Variants in TRHDE observed in about 807,000 individuals in gnomAD.
The protein encoded by TRHDE is thyrotropin-releasing hormone-degrading ectoenzyme.
Under a neutral mutation model 125.7 loss-of-function variants are expected in TRHDE, and 72 were observed. The observed-to-expected ratio is 0.57, with a 90% CI of 0.47 to 0.70. The LOEUF (loss-of-function observed/expected upper bound fraction) is 0.70, where lower values mean the gene tolerates loss of function less well. Among genes scored for constraint, TRHDE ranks in the 30% least tolerant of loss-of-function variants. The probability of loss-of-function intolerance (pLI) is 0.00; values close to 1 mark genes in which losing one functional copy is unlikely to be tolerated. For synonymous variants in TRHDE, 509 were observed against 509.1 expected (o/e 1.00, Z 0.00); for missense variants, 1,110 against 1,327.1 (o/e 0.84, Z 2.54).
At position 72,618,171 on chromosome 12, in the gene TRHDE, T is replaced by C. The variant is rs73334816; in HGVS notation, c.2322-720T>C. Among the ~76,000 whole-genome samples the C allele has an allele frequency of 2.3e-3, 353 of 152,296 alleles. 1 individual carries two copies. Among genetic ancestry groups the C allele is most frequent in the African/African-American group, 8.1e-3 (337 of 41,564 alleles). ...TTTGGCTCCTTTTCTTGATATGGCC[T>C]CTTAAACTATAGACAATATGTGTTA... On this transcript the variant is annotated intron_variant, in intron 12 of 18. Transcript: ENST00000261180.
chr12:72,196,411 G>A (rs1461002301), intron 2 of TRHDE, among the ~76,000 whole-genome samples: 2 of 151,988 alleles, frequency 1.3e-5, no homozygotes, highest in Non-Finnish European at 2.9e-5. Context: ...GCAGTGTTTT[G>A]TAGTTCTCCT....
intron 10 of TRHDE, among the ~76,000 whole-genome samples, chr12:72,574,222 G>T (rs1181094730): frequency 6.6e-6 from 1 of 152,030 alleles, no homozygotes; most frequent in Admixed American, 6.6e-5. Flanking sequence ...GTCTGAATGT[G>T]TAAAAACTTT....
At chr12:72,261,190 G>C (rs1207348519) in intron 2 of TRHDE, among the ~76,000 whole-genome samples, 1 of 152,166 alleles carries the variant, frequency 6.6e-6, no homozygotes, top group Admixed American at 6.6e-5. Context: ...AAAAGTTAAA[G>C]TGCTTACCAG....
intron 3 of TRHDE, among the ~76,000 whole-genome samples, chr12:72,380,351 G>A (rs1872086459): frequency 6.6e-6 from 1 of 152,166 alleles, no homozygotes; most frequent in Non-Finnish European, 1.5e-5. Context: ...ATATCAGATT[G>A]GAGATACATG....
intron 5 of TRHDE, among the ~76,000 whole-genome samples, chr12:72,479,103 T>C (rs1184125922): frequency 6.6e-6 from 1 of 152,032 alleles, no homozygotes; most frequent in African/African-American, 2.4e-5. Flanking sequence ...TAACATGGCA[T>C]TGGCCATGTT....
rs1875205292 is a variant in TRHDE, at chr12:72,669,791, C to T, written c.*6596C>T. The T allele has an allele frequency of 6.6e-6, 1 of 151,814 alleles. No individual in the cohort carries two copies. The allele number at this position is 151,814 out of a possible 1,614,324, so 9.4% of individuals were successfully genotyped here. ...TACCTTTCAAAATATTGTGTAACAG[C>T]AATTCCACATTATCCTTTTGAATGC... is the stretch of plus-strand genomic sequence containing the variant. On this transcript the variant is annotated 3_prime_UTR_variant, in exon 19 of 19. Coordinates refer to ENST00000261180, the MANE Select transcript of TRHDE (RefSeq NM_013381.3).
intron 1 of TRHDE, among the ~76,000 whole-genome samples, chr12:72,279,426 C>T (rs1388386175): frequency 6.6e-6 from 1 of 152,140 alleles, no homozygotes; most frequent in Non-Finnish European, 1.5e-5. Context: ...TTTCTCAATT[C>T]TTTGCATGTT....
chr12:72,134,807 G>A (rs1320186264), intron 2 of TRHDE, among the ~76,000 whole-genome samples: 2 of 152,066 alleles, frequency 1.3e-5, no homozygotes, highest in Non-Finnish European at 2.9e-5. Context: ...AGGAGGTGGG[G>A]GAGTGGGAGA....
At position 72,286,756 on chromosome 12, in the gene TRHDE, G is replaced by A; in HGVS notation, c.990G>A (p.Lys330=). The change falls in exon 2 of 19, where the codon AAG becomes AAA. Residue 330 remains lysine, a synonymous_variant. Coordinates refer to ENST00000261180, the MANE Select transcript of TRHDE (RefSeq NM_013381.3). ...AFPCFDEPIY[K]ATFKISIKHQ... is the part of the protein sequence containing the mutation. Reference sequence around the variant, plus strand: ...CTTGTTTTGATGAGCCAATCTACAAGGCTACTTTCAAAATCAGCATCAAGC... The same window carrying A: ...CTTGTTTTGATGAGCCAATCTACAAAGCTACTTTCAAAATCAGCATCAAGC... 1 of 1,613,602 alleles carries A rather than the reference G, an allele frequency of 6.2e-7. No individual in the cohort carries two copies. Among genetic ancestry groups the A allele is most frequent in the Non-Finnish European group, 8.5e-7 (1 of 1,179,908 alleles).
At chr12:72,133,736 T>C (rs1875919101) in intron 2 of TRHDE, among the ~76,000 whole-genome samples, 1 of 152,096 alleles carries the variant, frequency 6.6e-6, no homozygotes, top group African/African-American at 2.4e-5. Context: ...GTGTGCTGGG[T>C]TCTCTATGGA....
At chr12:72,507,546 TG>T (rs1878403337) in intron 6 of TRHDE, among the ~76,000 whole-genome samples, 1 of 152,230 alleles carries the variant, frequency 6.6e-6, no homozygotes, top group African/African-American at 2.4e-5. Context: ...GTAGCCTGGC[TG>T]TTTCTAATAG....
chr12:72,238,274 TAA>T (rs1491108051), intron 2 of TRHDE, among the ~76,000 whole-genome samples: 34 of 56,326 alleles, frequency 6.0e-4, no homozygotes, highest in Non-Finnish European at 3.3e-4. Flanking sequence ...GTCAGATCCT[TAA>T]TATATATATA....
chr12:72,094,903 C>T (rs951318620), intron 1 of TRHDE, among the ~76,000 whole-genome samples: 6 of 152,194 alleles, frequency 3.9e-5, no homozygotes, highest in African/African-American at 1.4e-4. Flanking sequence ...AATCCCAACA[C>T]GAAGGTACTT....
chr12:72,247,771 A>G (rs1454406886), intron 2 of TRHDE, among the ~76,000 whole-genome samples: 1 of 152,136 alleles, frequency 6.6e-6, no homozygotes, highest in East Asian at 1.9e-4. Flanking sequence ...AGCCAGAGCA[A>G]TTTCAAGACC....
At chr12:72,378,597 A>G (rs1872005258) in intron 3 of TRHDE, among the ~76,000 whole-genome samples, 1 of 152,168 alleles carries the variant, frequency 6.6e-6, no homozygotes, top group Non-Finnish European at 1.5e-5. Context: ...TGGAGAAGAC[A>G]TTCATTGATT....
chr12:72,369,084 A>G (rs752212634), intron 2 of TRHDE, among the ~76,000 whole-genome samples: 5 of 152,136 alleles, frequency 3.3e-5, no homozygotes, highest in Non-Finnish European at 7.3e-5. Context: ...TGCCTTTAGT[A>G]TGTTTTTCCT....
At chr12:72,164,790 G>A (rs909021426) in intron 2 of TRHDE, among the ~76,000 whole-genome samples, 2 of 152,058 alleles carry the variant, frequency 1.3e-5, no homozygotes, top group African/African-American at 2.4e-5. Flanking sequence ...CCCAAAACTC[G>A]GGGCCTCAAT....
Position 72,647,567 on chromosome 12 carries a change from A to G in TRHDE, c.2676-4755A>G, listed in dbSNP as rs577441331. 5.3e-5 allele frequency among the ~76,000 whole-genome samples: 8 copies of G among 151,754 alleles called. No individual in the cohort carries two copies. In the South Asian group the frequency reaches 1.4e-3, roughly 27 times the overall value. On this transcript the variant is annotated intron_variant, in intron 15 of 18. Transcript: ENST00000261180. ...ATTAATGAAAAAGAGAGAAGACTCA[A>G]ATAAAAACAGAAATGAAGGAGTAGA... is the stretch of plus-strand genomic sequence containing the variant.
At chr12:72,417,209 T>G (rs1269897207) in intron 3 of TRHDE, among the ~76,000 whole-genome samples, 1 of 152,068 alleles carries the variant, frequency 6.6e-6, no homozygotes, top group Non-Finnish European at 1.5e-5. Flanking sequence ...TTTCATATGT[T>G]GATTTTGGGT....
Sources: allele counts gnomAD v4.1 joint callset (sites outside exome capture counted in the v4.1 genomes callset), GRCh38; gene constraint gnomAD v4.1.1; transcripts MANE v1.5; gene names NCBI Gene and HGNC (gene_info 2026-07-23, HGNC 2026-07-21).